ZNF804B: variants seen among roughly 807,000 people sequenced by gnomAD.
The protein encoded by ZNF804B is zinc finger 804B.
Under a neutral mutation model 101.4 loss-of-function variants are expected in ZNF804B, and 80 were observed. That is an observed-to-expected ratio of 0.79 (90% CI 0.66 to 0.95). The LOEUF (loss-of-function observed/expected upper bound fraction) is 0.95. Ranked by LOEUF, ZNF804B falls within the 40% of genes least tolerant of loss-of-function variation. ZNF804B has a pLI of 0.00. For synonymous variants in ZNF804B, 622 were observed against 558.8 expected, an observed-to-expected ratio of 1.11 and a Z score of -1.59; for missense variants, 1,673 against 1,561.9, an observed-to-expected ratio of 1.07 and a Z score of -1.20.
intron 1 of ZNF804B, among the ~76,000 whole-genome samples, chr7:89,184,017 C>T (rs557441036): frequency 1.7e-4 from 26 of 152,274 alleles, no homozygotes; most frequent in African/African-American, 7.2e-5. Flanking sequence ...GGCTCTCTAA[C>T]ATGCAAAGGC....
chr7:88,802,488 C>A (rs1790607415), intron 1 of ZNF804B, among the ~76,000 whole-genome samples: 1 of 151,838 alleles, frequency 6.6e-6, no homozygotes, highest in African/African-American at 2.4e-5. Flanking sequence ...TAAAGTTTCC[C>A]CCTATCTCAG....
chr7:88,930,187 T>C lies in ZNF804B; in HGVS notation c.108+170103T>C, dbSNP rs922452264. On this transcript the variant is annotated intron_variant, in intron 1 of 3. Transcript: ENST00000333190. ...ATATGCTTTTTAGTTTCTATTTTGA[T>C]ATTGTGTTACAAATGTCTCAGGTTT... Among the ~76,000 whole-genome samples the C allele has an allele frequency of 1.1e-4, 16 of 152,140 alleles. No homozygotes were observed. In the East Asian group the frequency reaches 2.7e-3, roughly 26 times the overall value.
At chr7:89,061,297 A>G (rs1044314587) in intron 1 of ZNF804B, among the ~76,000 whole-genome samples, 10 of 151,996 alleles carry the variant, frequency 6.6e-5, no homozygotes, top group African/African-American at 2.4e-4. Flanking sequence ...CCAGAATTAT[A>G]TTTTTGAAAT....
At chr7:89,194,631 G>A (rs1427757242) in intron 1 of ZNF804B, among the ~76,000 whole-genome samples, 10 of 151,844 alleles carry the variant, frequency 6.6e-5, no homozygotes, top group East Asian at 1.9e-4. Flanking sequence ...GTAGATATGC[G>A]GTGTTATTTC....
intron 1 of ZNF804B, among the ~76,000 whole-genome samples, chr7:88,783,234 G>A (rs1055164975): frequency 2.6e-5 from 4 of 152,100 alleles, no homozygotes; most frequent in Admixed American, 6.6e-5. Context: ...TTTGCATGTC[G>A]TTTGTGCTTT....
chr7:89,221,820 A>T (rs754573873), intron 2 of ZNF804B, among the ~76,000 whole-genome samples: 1 of 151,284 alleles, frequency 6.6e-6, no homozygotes, highest in Non-Finnish European at 1.5e-5. Flanking sequence ...CTGTCATTCT[A>T]ACTTTCCTGG....
intron 1 of ZNF804B, among the ~76,000 whole-genome samples, chr7:88,845,886 A>G (rs192966062): frequency 4.2e-4 from 64 of 152,340 alleles, no homozygotes; most frequent in Middle Eastern, 3.4e-3. Context: ...ATAAGCAATA[A>G]ATATTTGTTT....
intron 1 of ZNF804B, among the ~76,000 whole-genome samples, chr7:88,860,486 A>G (rs1249143990): frequency 6.6e-6 from 1 of 152,076 alleles, no homozygotes; most frequent in Non-Finnish European, 1.5e-5. Flanking sequence ...TTCTGGCTTC[A>G]GTAAGTTTTT....
In ZNF804B at chr7:89,298,212, GTGTGTATATATATATATA is replaced by G. The variant is rs1397992331; in HGVS notation, c.250-29130_250-29113del. ...ATATATATCTATATAGTGTGTGTGTGTGTGTATATATATATATATATATATATATATATATATATATAT... is the reference window on the plus strand; with the variant it reads ...ATATATATCTATATAGTGTGTGTGTGTATATATATATATATATATATATAT... On this transcript the variant is annotated intron_variant, in intron 2 of 3. Coordinates refer to ENST00000333190, the MANE Select transcript of ZNF804B (RefSeq NM_181646.5). Among the ~76,000 whole-genome samples the G allele has an allele frequency of 7.7e-5, 5 of 65,272 alleles. No homozygotes were observed. The South Asian group carries it at 2.1e-3, about 28-fold the overall frequency. The allele number at this position is 65,272 out of a possible 152,430, so 42.8% of individuals were successfully genotyped here. A position where few individuals can be genotyped will look rare whatever the true frequency, so the allele number is the denominator to read the frequency against.
intron 1 of ZNF804B, among the ~76,000 whole-genome samples, chr7:89,199,786 A>G (rs1478758912): frequency 6.6e-6 from 1 of 151,384 alleles, no homozygotes; most frequent in East Asian, 1.9e-4. Context: ...AATTTATGAC[A>G]TTTTATATAC....
At chr7:89,295,555 TC>T (rs1167271820) in intron 2 of ZNF804B, among the ~76,000 whole-genome samples, 1 of 152,154 alleles carries the variant, frequency 6.6e-6, no homozygotes, top group Non-Finnish European at 1.5e-5. Context: ...CTAATGGTAC[TC>T]TTTTGTGTTT....
chr7:88,899,362 A>G (rs965995315), intron 1 of ZNF804B, among the ~76,000 whole-genome samples: 4 of 152,180 alleles, frequency 2.6e-5, no homozygotes, highest in Admixed American at 2.6e-4. Context: ...AATCTGCTCT[A>G]AGGTTACATA....
At chr7:88,846,933 T>TAC (rs1562810386) in intron 1 of ZNF804B, among the ~76,000 whole-genome samples, 1 of 116,888 alleles carries the variant, frequency 8.6e-6, no homozygotes, top group Admixed American at 8.4e-5. Flanking sequence ...TATAAATGTG[T>TAC]ATACACACAC....
At chr7:89,121,248 T>C (rs1198069281) in intron 1 of ZNF804B, among the ~76,000 whole-genome samples, 1 of 152,232 alleles carries the variant, frequency 6.6e-6, no homozygotes, top group Non-Finnish European at 1.5e-5. Flanking sequence ...GACTTTCTAT[T>C]GGGTTGGAAC....
chr7:88,993,593 A>G (rs1476886962), intron 1 of ZNF804B, among the ~76,000 whole-genome samples: 2 of 152,034 alleles, frequency 1.3e-5, no homozygotes, highest in Non-Finnish European at 2.9e-5. Context: ...ATTACTTTCT[A>G]CAAAGCTTAC....
chr7:89,228,021 G>A lies in ZNF804B; in HGVS notation c.249+9726G>A, dbSNP rs1391087031. On this transcript the variant is annotated intron_variant, in intron 2 of 3. Transcript: ENST00000333190. Reference sequence around the variant, plus strand: ...CTGTCATAGTGTGTCCAGAATTGGCGGGTTCTTGGTCTCACTGACTTCAAG... The same window carrying A: ...CTGTCATAGTGTGTCCAGAATTGGCAGGTTCTTGGTCTCACTGACTTCAAG... 7.9e-5 allele frequency among the ~76,000 whole-genome samples: 12 copies of A among 152,270 alleles called. No individual in the cohort carries two copies. The East Asian group carries it at 1.2e-3, about 15-fold the overall frequency.
At chr7:89,036,754 G>C (rs186473176) in intron 1 of ZNF804B, among the ~76,000 whole-genome samples, 1 of 152,190 alleles carries the variant, frequency 6.6e-6, no homozygotes, top group East Asian at 1.9e-4. Context: ...GACACATTAT[G>C]CTGTCCCTTC....
chr7:89,134,216 A>G (rs1490377609), intron 1 of ZNF804B, among the ~76,000 whole-genome samples: 1 of 152,146 alleles, frequency 6.6e-6, no homozygotes, highest in Non-Finnish European at 1.5e-5. Context: ...CCAGGAACAG[A>G]ATGTGTTTTT....
chr7:89,213,083 A>G (rs989638826), intron 1 of ZNF804B, among the ~76,000 whole-genome samples: 2 of 152,198 alleles, frequency 1.3e-5, no homozygotes, highest in Non-Finnish European at 2.9e-5. Context: ...AGAGGCTGAC[A>G]TTCAAGCTAG....
Sources: gnomAD v4.1 joint callset for allele counts (sites outside exome capture counted in the v4.1 genomes callset) on GRCh38, gnomAD v4.1.1 for gene constraint, MANE v1.5 for transcripts, NCBI Gene and HGNC (gene_info 2026-07-23, HGNC 2026-07-21) for gene names.